DHRSX: variants seen among roughly 807,000 people sequenced by gnomAD.
DHRSX encodes the protein polyprenol dehydrogenase.
Under a neutral mutation model 34.0 loss-of-function variants are expected in DHRSX, and 31 were observed. The observed-to-expected ratio is 0.91, with a 90% CI of 0.69 to 1.23. The LOEUF (loss-of-function observed/expected upper bound fraction) is 1.23, where lower values mean the gene tolerates loss of function less well. DHRSX is among the 50% of genes most tolerant of loss of function. The pLI is 0.00. For synonymous variants in DHRSX, 201 were observed against 183.8 expected (o/e 1.09, Z -0.76); for missense variants, 414 against 428.1 (o/e 0.97, Z 0.29).
chrX:2,331,147 C>T (rs951909618), intron 3 of DHRSX, among the ~76,000 whole-genome samples: 19 of 152,058 alleles, frequency 1.2e-4, no homozygotes, highest in Non-Finnish European at 1.0e-4. Flanking sequence ...TCTCAAGAAA[C>T]CATTTTCTCT....
intron 3 of DHRSX, among the ~76,000 whole-genome samples, chrX:2,358,970 A>G (rs2042893085): frequency 6.6e-6 from 1 of 151,198 alleles, no homozygotes; most frequent in African/African-American, 2.4e-5. Flanking sequence ...AAAAAAAGAC[A>G]TACATCCAGC....
intron 5 of DHRSX, among the ~76,000 whole-genome samples, chrX:2,249,487 G>A (rs2016382436): frequency 7.3e-6 from 1 of 136,680 alleles, no homozygotes; most frequent in Non-Finnish European, 1.6e-5. Context: ...CGTGATGTGA[G>A]CCACCACGCT....
At chrX:2,351,871 C>T (rs1456713556) in intron 3 of DHRSX, among the ~76,000 whole-genome samples, 1 of 152,206 alleles carries the variant, frequency 6.6e-6, no homozygotes, top group African/African-American at 2.4e-5. Context: ...AGATGCCCAA[C>T]ACTACACCCG....
At chrX:2,329,038 T>C (rs62583699) in intron 3 of DHRSX, among the ~76,000 whole-genome samples, 101,141 of 152,008 alleles carry the variant, frequency 0.67, 34,596 homozygotes, top group Middle Eastern at 0.78. Flanking sequence ...TGCCCTTTAA[T>C]GAAGAAATAA....
intron 3 of DHRSX, among the ~76,000 whole-genome samples, chrX:2,378,951 C>T (rs7059169): frequency 0.06 from 9,053 of 152,110 alleles, 608 homozygotes; most frequent in African/African-American, 0.17. Context: ...GGATTACAGG[C>T]GTGAGCCACC....
chrX:2,411,532 G>T (rs1373261754), intron 2 of DHRSX, among the ~76,000 whole-genome samples: 1 of 146,626 alleles, frequency 6.8e-6, no homozygotes, highest in Non-Finnish European at 1.5e-5. Context: ...TCCAGCCTGG[G>T]CGACAGAGCC....
chrX:2,453,532 TGTG>T (rs1395499373), intron 1 of DHRSX, among the ~76,000 whole-genome samples: 1 of 151,460 alleles, frequency 6.6e-6, no homozygotes, highest in Admixed American at 6.6e-5. Flanking sequence ...ATTAACCAGG[TGTG>T]GTGGTGTGCA....
At position 2,228,646 on chromosome X, in the gene DHRSX, ACT is replaced by A. The variant is rs373404713; in HGVS notation, c.805-7419_805-7418del. On this transcript the variant is annotated intron_variant, in intron 6 of 6. Transcript: ENST00000334651. The stretch of plus-strand genomic sequence containing the variant: ...CCTATTTGACCAAATATCTGTGGTG[ACT>A]CTGAGAATTCTGATTTCTAAGATAA... Among the ~76,000 whole-genome samples the A allele has an allele frequency of 1.0e-3, 152 of 151,960 alleles. 1 individual carries two copies. The Middle Eastern group carries it at 0.014, about 14-fold the overall frequency.
At chrX:2,460,843 A>G (rs1415907004) in intron 1 of DHRSX, among the ~76,000 whole-genome samples, 1 of 152,026 alleles carries the variant, frequency 6.6e-6, no homozygotes, top group East Asian at 1.9e-4. Flanking sequence ...TTAGCCTCCC[A>G]AAGTGCAGGT....
At chrX:2,371,358 C>T (rs1274949844) in intron 3 of DHRSX, among the ~76,000 whole-genome samples, 10 of 138,370 alleles carry the variant, frequency 7.2e-5, no homozygotes, top group African/African-American at 2.4e-4. Context: ...ATAGTCCCTC[C>T]TCCCATTACT....
chrX:2,493,795 C>A (rs756417678), intron 1 of DHRSX, among the ~76,000 whole-genome samples: 17 of 151,980 alleles, frequency 1.1e-4, no homozygotes, highest in Non-Finnish European at 2.1e-4. Flanking sequence ...CATGGTGAAA[C>A]CCCTCCTCTA....
intron 1 of DHRSX, chrX:2,489,599 A>G: frequency 1.2e-6 from 2 of 1,612,354 alleles, no homozygotes; most frequent in Non-Finnish European, 1.7e-6. Flanking sequence ...CTCCACCAAG[A>G]CCCCGGCGAT....
chrX:2,408,078 G>A (rs186007944), intron 3 of DHRSX, among the ~76,000 whole-genome samples: 91 of 152,116 alleles, frequency 6.0e-4, no homozygotes, highest in African/African-American at 2.2e-3. Flanking sequence ...AAAATCTTAA[G>A]GGCAAGCATA....
At chrX:2,324,045 A>G (rs1274005310) in intron 3 of DHRSX, among the ~76,000 whole-genome samples, 1 of 130,230 alleles carries the variant, frequency 7.7e-6, no homozygotes, top group Admixed American at 8.2e-5. Flanking sequence ...TAACAGATGG[A>G]GACCCTGTCT....
chrX:2,263,536 G>A (rs763655944), intron 5 of DHRSX, among the ~76,000 whole-genome samples: 14 of 143,472 alleles, frequency 9.8e-5, no homozygotes, highest in Admixed American at 7.0e-4. Flanking sequence ...TTTTTGAGAC[G>A]GAATTTTGCT....
intron 3 of DHRSX, among the ~76,000 whole-genome samples, chrX:2,322,320 G>A (rs887071703): frequency 2.6e-5 from 4 of 151,940 alleles, no homozygotes; most frequent in African/African-American, 4.8e-5. Flanking sequence ...ACGCCAAGGC[G>A]GGTAGGTCAC....
chrX:2,340,460 G>GTGTATA (rs1556481487), intron 3 of DHRSX, among the ~76,000 whole-genome samples: 4 of 150,794 alleles, frequency 2.7e-5, no homozygotes. Context: ...GTGTGTGTGT[G>GTGTATA]TATATATATA....
chrX:2,494,395 T>C (rs527999846), intron 1 of DHRSX, among the ~76,000 whole-genome samples: 2 of 152,084 alleles, frequency 1.3e-5, no homozygotes, highest in African/African-American at 2.4e-5. Context: ...TATTCTATTA[T>C]TATTACTTTT....
At chrX:2,224,715 CACAT>C (rs1160538882) in intron 6 of DHRSX, among the ~76,000 whole-genome samples, 4 of 152,072 alleles carry the variant, frequency 2.6e-5, no homozygotes, top group African/African-American at 9.7e-5. Context: ...TATGGACACA[CACAT>C]ACTCATGCAT....
Sources: gnomAD v4.1 joint callset for allele counts (sites outside exome capture counted in the v4.1 genomes callset) on GRCh38, gnomAD v4.1.1 for gene constraint, MANE v1.5 for transcripts, NCBI Gene and HGNC (gene_info 2026-07-23, HGNC 2026-07-21) for gene names.